Variants in HECTD2 observed in about 807,000 individuals in gnomAD.
HECTD2 encodes HECT domain E3 ubiquitin protein ligase 2, also known as probable E3 ubiquitin-protein ligase HECTD2.
In HECTD2, 35 loss-of-function variants were observed where a neutral mutation model predicts 103.2. The observed-to-expected ratio is 0.34, with a 90% CI of 0.26 to 0.45. The LOEUF (loss-of-function observed/expected upper bound fraction) is 0.45, where lower values mean the gene tolerates loss of function less well. Ranked by LOEUF, HECTD2 falls within the 20% of genes least tolerant of loss-of-function variation. The pLI is 1.00. For synonymous variants in HECTD2, 281 were observed against 329.9 expected (o/e 0.85, Z 1.61); for missense variants, 596 against 937.4 (o/e 0.64, Z 4.76).
At chr10:91,431,854 T>C (rs1020183859) in intron 2 of HECTD2, among the ~76,000 whole-genome samples, 1 of 152,114 alleles carries the variant, frequency 6.6e-6, no homozygotes, top group Non-Finnish European at 1.5e-5. Flanking sequence ...AGTAGTTTGA[T>C]TGTCTGAAGC....
chr10:91,427,845 T>C (rs957255344), intron 2 of HECTD2, among the ~76,000 whole-genome samples: 6 of 152,096 alleles, frequency 3.9e-5, no homozygotes, highest in African/African-American at 1.4e-4. Context: ...ACTCTGATGG[T>C]AGTTTCTTTT....
At chr10:91,488,762 G>T (rs1442323685) in intron 11 of HECTD2, 1 of 152,052 alleles carries the variant, frequency 6.6e-6, no homozygotes, top group Admixed American at 6.6e-5. Context: ...TGAGTAACTG[G>T]TGACATCCCA....
At chr10:91,498,203 T>A in intron 16 of HECTD2, 21 bp downstream of exon 16, 1 of 1,500,200 alleles carries the variant, frequency 6.7e-7, no homozygotes, top group Non-Finnish European at 9.3e-7. Context: ...GGGCAAGTAG[T>A]TATCTGTTAA....
At chr10:91,457,137 C>T (rs538897079) in intron 2 of HECTD2, among the ~76,000 whole-genome samples, 1 of 151,932 alleles carries the variant, frequency 6.6e-6, no homozygotes, top group African/African-American at 2.4e-5. Context: ...AGTTAATTTG[C>T]CTCGTTTTAT....
At chr10:91,438,688 C>T (rs2133100251) in intron 2 of HECTD2, among the ~76,000 whole-genome samples, 1 of 152,272 alleles carries the variant, frequency 6.6e-6, no homozygotes, top group African/African-American at 2.4e-5. Flanking sequence ...ATTTACACTC[C>T]CACCAACAGT....
chr10:91,415,234 T>C (rs1337924554), intron 1 of HECTD2, among the ~76,000 whole-genome samples: 1 of 117,614 alleles, frequency 8.5e-6, no homozygotes, highest in South Asian at 2.3e-4. Flanking sequence ...GTGTGTGTAC[T>C]TAACAACAAT....
rs747062799 is a variant in HECTD2, at chr10:91,461,301, A to G, written c.455A>G (p.His152Arg). 1.9e-6 allele frequency: 3 copies of G among 1,557,904 alleles called. No individual in the cohort carries two copies. The East Asian group carries it at 7.3e-5, about 38-fold the overall frequency. ...VKSSGDWKAV[H>R]DFYLTTFDSF... ...TCATCAGGAGATTGGAAAGCAGTAC[A>G]TGATTTTTATCTAACAACGTTTGAT... The change falls in exon 4 of 21, where the codon CAT (histidine) becomes CGT (arginine). Residue 152 changes from histidine to arginine, a missense_variant. His to Arg is a conservative substitution (Grantham distance 29, BLOSUM62 0). Around this residue, in one of 4 missense-constraint regions of HECTD2, gnomAD observed 220 missense variants for 233.9 expected, o/e 0.94. Coordinates refer to ENST00000298068, the MANE Select transcript of HECTD2 (RefSeq NM_182765.6).
chr10:91,419,092 A>G (rs1297387480), intron 1 of HECTD2, among the ~76,000 whole-genome samples: 1 of 152,042 alleles, frequency 6.6e-6, no homozygotes, highest in Non-Finnish European at 1.5e-5. Context: ...GCCAGCACTT[A>G]CTCCTTTTTT....
intron 2 of HECTD2, among the ~76,000 whole-genome samples, chr10:91,432,588 C>A (rs1386885123): frequency 5.3e-5 from 8 of 151,832 alleles, no homozygotes; most frequent in Non-Finnish European, 1.0e-4. Flanking sequence ...AGTTATGATG[C>A]CCCTTTCACA....
At chr10:91,485,990 T>A (rs1046491885) in intron 10 of HECTD2, 1 of 152,128 alleles carries the variant, frequency 6.6e-6, no homozygotes, top group African/African-American at 2.4e-5. Flanking sequence ...ACACTGCACT[T>A]TATATCCACA....
intron 2 of HECTD2, among the ~76,000 whole-genome samples, chr10:91,439,432 C>CTA (rs879329512): frequency 1.9e-4 from 28 of 150,364 alleles, no homozygotes; most frequent in Middle Eastern, 3.4e-3. Context: ...TTCCATTGGT[C>CTA]TATATATATA....
intron 8 of HECTD2, among the ~76,000 whole-genome samples, chr10:91,483,834 T>G (rs1328987913): frequency 6.6e-6 from 1 of 151,874 alleles, no homozygotes; most frequent in Non-Finnish European, 1.5e-5. Context: ...TTAATAGAAG[T>G]CATTGATTCA....
At chr10:91,462,474 T>G (rs1845389718) in intron 5 of HECTD2, 1 of 1,194,000 alleles carries the variant, frequency 8.4e-7, no homozygotes. Context: ...ATATTGGAAT[T>G]ACACTGAATC....
At chr10:91,500,374 T>TAA in intron 18 of HECTD2, 128 bp from the exon 19 acceptor site, 1 of 420,438 alleles carries the variant, frequency 2.4e-6, no homozygotes. Flanking sequence ...CGATTTTTCT[T>TAA]CAACAAAAAT....
At chr10:91,432,426 T>G (rs781660506) in intron 2 of HECTD2, among the ~76,000 whole-genome samples, 6 of 151,892 alleles carry the variant, frequency 4.0e-5, no homozygotes, top group Non-Finnish European at 8.8e-5. Context: ...TTGACTGTCC[T>G]TTTAAAAATA....
At chr10:91,458,082 G>A (rs575141611) in intron 2 of HECTD2, among the ~76,000 whole-genome samples, 39 of 147,496 alleles carry the variant, frequency 2.6e-4, no homozygotes, top group Non-Finnish European at 5.4e-4. Context: ...TAATAAGTGA[G>A]TTCAGTATGG....
At chr10:91,471,092 A>T (rs966951144) in intron 5 of HECTD2, among the ~76,000 whole-genome samples, 8 of 152,128 alleles carry the variant, frequency 5.3e-5, no homozygotes, top group Admixed American at 1.3e-4. Flanking sequence ...TAGCAAACTG[A>T]ATCTAAAAGC....
At chr10:91,436,843 A>C (rs1250106589) in intron 2 of HECTD2, among the ~76,000 whole-genome samples, 1 of 151,940 alleles carries the variant, frequency 6.6e-6, no homozygotes, top group Non-Finnish European at 1.5e-5. Flanking sequence ...ACCAGTTTTC[A>C]CTGACATCTC....
At chr10:91,500,377 AC>A in intron 18 of HECTD2, 124 bp from the exon 19 acceptor site, 1 of 442,612 alleles carries the variant, frequency 2.3e-6, no homozygotes, top group Non-Finnish European at 4.1e-6. Context: ...TTTTTCTTCA[AC>A]AAAAATGGTT....
Sources: gnomAD v4.1 joint callset for allele counts (sites outside exome capture counted in the v4.1 genomes callset) on GRCh38, gnomAD v4.1.1 for gene constraint, gnomAD v4.1.1 regional missense constraint, MANE v1.5 for transcripts, NCBI Gene and HGNC (gene_info 2026-07-23, HGNC 2026-07-21) for gene names.